The following APCDD1L variants were observed in gnomAD, a reference collection of about 807,000 sequenced individuals.
The protein encoded by APCDD1L is APC down-regulated 1 like, also known as protein APCDD1-like.
APCDD1L carries 21 observed loss-of-function variants against 24.2 expected under a neutral mutation model. The ratio of observed to expected loss-of-function variants is 0.87; its 90% CI spans 0.61 to 1.25. APCDD1L has a LOEUF of 1.25. Among genes scored for constraint, APCDD1L ranks in the 50% most tolerant of loss-of-function variants. The pLI is 0.00. For synonymous variants in APCDD1L, 321 were observed against 323.6 expected, an observed-to-expected ratio of 0.99 and a Z score of 0.09; for missense variants, 704 against 711.7, an observed-to-expected ratio of 0.99 and a Z score of 0.12.
At chr20:58,506,097 A>T (rs1990524115) in intron 1 of APCDD1L, among the ~76,000 whole-genome samples, 1 of 152,028 alleles carries the variant, frequency 6.6e-6, no homozygotes, top group East Asian at 1.9e-4. Context: ...GCCCCAGGAA[A>T]CAAACACAAA....
At chr20:58,495,915 G>C (rs568010019) in intron 1 of APCDD1L, among the ~76,000 whole-genome samples, 3 of 151,980 alleles carry the variant, frequency 2.0e-5, no homozygotes, top group South Asian at 2.1e-4. Flanking sequence ...TGAGGGCCCC[G>C]GGTCCCCCTC....
At chr20:58,493,838 C>T (rs771217174) in intron 1 of APCDD1L, among the ~76,000 whole-genome samples, 2 of 152,174 alleles carry the variant, frequency 1.3e-5, no homozygotes, top group East Asian at 1.9e-4. Context: ...TTTAACAACA[C>T]GACACCAGAG....
chr20:58,508,398 A>G lies in APCDD1L; in HGVS notation c.49+6261T>C, dbSNP rs892383504. ...AGGGGAGAGCACAGAGAGAGTGAAC[A>G]TGGCTGAGACTGTGTCCATAAATCA... On this transcript the variant is annotated intron_variant, in intron 1 of 3. Transcript: ENST00000371149. This position sits in a 1 kb window ranked among gnomAD's most constrained non-coding sequence, Gnocchi z 4.0. 1.3e-5 allele frequency among the ~76,000 whole-genome samples: 2 copies of G among 152,204 alleles called. No homozygotes were observed. The highest frequency in any genetic ancestry group is 2.9e-5 in the Non-Finnish European group (2 of 68,034).
At position 58,497,941 on chromosome 20, in the gene APCDD1L, G is replaced by A. The variant is rs147156996; in HGVS notation, c.49+16718C>T. ...CTTCTCGGCAGCAACAACCATTATCGGTTTGTGCATCTCTCCAGATCTTTT... is the reference window on the plus strand; with the variant it reads ...CTTCTCGGCAGCAACAACCATTATCAGTTTGTGCATCTCTCCAGATCTTTT... On this transcript the variant is annotated intron_variant, in intron 1 of 3. Coordinates refer to ENST00000371149, the MANE Select transcript of APCDD1L (RefSeq NM_153360.3). This position sits in a 1 kb window ranked among gnomAD's most constrained non-coding sequence, Gnocchi z 4.3. Among the ~76,000 whole-genome samples the A allele has an allele frequency of 2.2e-3, 338 of 152,162 alleles. 2 individuals carry two copies. The highest frequency in any genetic ancestry group is 7.7e-3 in the African/African-American group (319 of 41,490).
At position 58,461,036 on chromosome 20, in the gene APCDD1L, G is replaced by C; in HGVS notation, c.1260C>G (p.Pro420=). Residue 420 remains proline (P), a synonymous_variant, in exon 4 of 4, where the codon CCC becomes CCG. Transcript: ENST00000371149. This position sits in a 1 kb window ranked among gnomAD's most constrained non-coding sequence, Gnocchi z 6.0. ...CGATGAAGAGCAGGCTTTGCCCGAG[G>C]GGGTCTTGTTCCATCTTGAAAAGCT... ...EYELFKMEQD[P]LGQSLLFIGQ... 1 of 1,614,090 alleles carries C rather than the reference G, an allele frequency of 6.2e-7. No individual in the cohort carries two copies. The highest frequency in any genetic ancestry group is 8.5e-7 in the Non-Finnish European group (1 of 1,179,998).
intron 1 of APCDD1L, among the ~76,000 whole-genome samples, chr20:58,484,912 C>T (rs889430522): frequency 6.6e-6 from 1 of 151,840 alleles, no homozygotes; most frequent in Non-Finnish European, 1.5e-5. Flanking sequence ...CCTTGTGCAT[C>T]CTCCCAGAAA....
At chr20:58,495,645 C>A (rs1280492283) in intron 1 of APCDD1L, among the ~76,000 whole-genome samples, 1 of 152,182 alleles carries the variant, frequency 6.6e-6, no homozygotes, top group Non-Finnish European at 1.5e-5. Context: ...GGGTAAGAAG[C>A]CTCAGTGCCC....
chr20:58,470,802 C>T (rs1047524375), intron 1 of APCDD1L, 55 bp from the exon 2 acceptor site: 3 of 1,487,116 alleles, frequency 2.0e-6, no homozygotes, highest in Admixed American at 2.2e-5. Flanking sequence ...AACACCCACC[C>T]CATCTGCCCT....
At chr20:58,496,070 C>T (rs6064661) in intron 1 of APCDD1L, among the ~76,000 whole-genome samples, 1 of 152,194 alleles carries the variant, frequency 6.6e-6, no homozygotes, top group Non-Finnish European at 1.5e-5. Context: ...AGAGCAGGGG[C>T]GTTTCTATTC....
At chr20:58,498,650 G>C (rs1458367201) in intron 1 of APCDD1L, among the ~76,000 whole-genome samples, 3 of 152,182 alleles carry the variant, frequency 2.0e-5, no homozygotes, top group Non-Finnish European at 4.4e-5. Flanking sequence ...CCTGAGTTCT[G>C]TTTGGACTTT....
intron 2 of APCDD1L, among the ~76,000 whole-genome samples, chr20:58,470,004 T>C (rs1208407009): frequency 1.3e-5 from 2 of 152,246 alleles, no homozygotes; most frequent in African/African-American, 4.8e-5. Flanking sequence ...AAGCAGCGAC[T>C]GAGCCTCTGA....
chr20:58,476,994 A>C (rs917432148), intron 1 of APCDD1L, among the ~76,000 whole-genome samples: 2 of 152,192 alleles, frequency 1.3e-5, no homozygotes, highest in Non-Finnish European at 2.9e-5. Context: ...TGCAGCACTC[A>C]TCACATCTGG....
At chr20:58,491,187 A>G (rs1364684502) in intron 1 of APCDD1L, among the ~76,000 whole-genome samples, 1 of 152,246 alleles carries the variant, frequency 6.6e-6, no homozygotes, top group East Asian at 1.9e-4. Context: ...AACTTCTGAG[A>G]TCAGGAATAA....
chr20:58,512,656 G>A (rs749210), intron 1 of APCDD1L, among the ~76,000 whole-genome samples: 34,004 of 152,022 alleles, frequency 0.22, 4,183 homozygotes, highest in East Asian at 0.45. Context: ...AAGTTCAGGC[G>A]TGCCCAGCTC....
chr20:58,513,996 G>A, intron 1 of APCDD1L: 1 of 1,265,154 alleles, frequency 7.9e-7, no homozygotes, highest in South Asian at 1.3e-5. Context: ...CCCTGTGATG[G>A]CACACTCCAG....
intron 1 of APCDD1L, among the ~76,000 whole-genome samples, chr20:58,505,044 T>C (rs1990507448): frequency 6.6e-6 from 1 of 152,134 alleles, no homozygotes; most frequent in Admixed American, 6.5e-5. Context: ...ACTGATCCTA[T>C]AGAAAATACA....
rs1277642722 is a variant in APCDD1L, at chr20:58,508,338, A to C, written c.49+6321T>G. 6.6e-6 allele frequency among the ~76,000 whole-genome samples: 1 copy of C among 152,208 alleles called. No individual in the cohort carries two copies. The highest frequency in any genetic ancestry group is 2.4e-5 in the African/African-American group (1 of 41,450). ...GAGAGGTTATCTGTGAAGTGTGTGG[A>C]GATGACTGTCACATGGGGATCAAGG... On this transcript the variant is annotated intron_variant, in intron 1 of 3. Transcript: ENST00000371149. This position sits in a 1 kb window ranked among gnomAD's most constrained non-coding sequence, Gnocchi z 4.0.
chr20:58,470,780 G>T, intron 1 of APCDD1L, 33 bp from the exon 2 acceptor site: 1 of 1,509,832 alleles, frequency 6.6e-7, no homozygotes, highest in African/African-American at 1.4e-5. Context: ...TAAGACCCCA[G>T]CATGCCCCGG....
At chr20:58,486,854 GTTT>G (rs747539318) in intron 1 of APCDD1L, among the ~76,000 whole-genome samples, 1,914 of 80,114 alleles carry the variant, frequency 0.024, 5 homozygotes, top group Middle Eastern at 0.038. Flanking sequence ...TGGAGGGAAG[GTTT>G]TTTTTTTTTT....
Sources: allele counts gnomAD v4.1 joint callset (sites outside exome capture counted in the v4.1 genomes callset), GRCh38; gene constraint gnomAD v4.1.1; non-coding constraint Gnocchi (gnomAD v3.1); transcripts MANE v1.5; gene names NCBI Gene and HGNC (gene_info 2026-07-23, HGNC 2026-07-21).